TRIM16: variants seen among roughly 807,000 people sequenced by gnomAD.
TRIM16 encodes the protein tripartite motif containing 16.
Under a neutral mutation model 50.4 loss-of-function variants are expected in TRIM16, and 33 were observed. The observed-to-expected ratio is 0.65, with a 90% CI of 0.50 to 0.88. TRIM16 has a LOEUF of 0.88. Ranked by LOEUF, TRIM16 falls within the 40% of genes least tolerant of loss-of-function variation. The pLI is 0.00. For synonymous variants in TRIM16, 229 were observed against 270.7 expected, an observed-to-expected ratio of 0.85 and a Z score of 1.51; for missense variants, 581 against 686.8, an observed-to-expected ratio of 0.85 and a Z score of 1.72.
intron 7 of TRIM16, among the ~76,000 whole-genome samples, chr17:15,647,334 C>G (rs1161698782): frequency 6.6e-6 from 1 of 152,242 alleles, no homozygotes; most frequent in East Asian, 1.9e-4. Flanking sequence ...TGCCAGCAAA[C>G]AGGCTGTGAG....
At chr17:15,655,518 G>C (rs1263318047) in intron 6 of TRIM16, among the ~76,000 whole-genome samples, 1 of 152,104 alleles carries the variant, frequency 6.6e-6, no homozygotes, top group Non-Finnish European at 1.5e-5. Context: ...ACAGTGGTGT[G>C]GAAAACAGGA....
rs926521218 is a variant in TRIM16, at chr17:15,637,035, G to A, written c.616-766C>T. 2.7e-4 allele frequency among the ~76,000 whole-genome samples: 40 copies of A among 148,740 alleles called. 4 individuals are homozygous for A. Among genetic ancestry groups the A allele is most frequent in the Non-Finnish European group, 5.2e-4 (35 of 66,976 alleles). On this transcript the variant is annotated intron_variant, in intron 8 of 11. Coordinates refer to ENST00000649191, the MANE Select transcript of TRIM16 (RefSeq NM_001348119.1). ...CTCTGGTATTCTTAAGAATTGGTAG[G>A]AGCCTCTCCGCCCGGTAGCCACCCC... is the stretch of plus-strand genomic sequence containing the variant.
At chr17:15,660,137 TC>T (rs1364688416) in intron 6 of TRIM16, among the ~76,000 whole-genome samples, 2 of 152,182 alleles carry the variant, frequency 1.3e-5, no homozygotes, top group Non-Finnish European at 2.9e-5. Flanking sequence ...CCCTTCACCT[TC>T]CCAATATTTA....
In TRIM16 at chr17:15,632,619, C is replaced by T; in HGVS notation, c.905G>A (p.Gly302Glu). Residue 302 changes from glycine (G) to glutamate (E), a missense_variant, in exon 10 of 12, where the codon GGG (glycine) becomes GAG (glutamate). By Grantham distance (98) the Gly-to-Glu change is moderately conservative. Around this residue, in one of 3 missense-constraint regions of TRIM16, gnomAD observed 450 missense variants for 544.3 expected, o/e 0.83. Coordinates refer to ENST00000649191, the MANE Select transcript of TRIM16 (RefSeq NM_001348119.1). ...GATGCCCGAGAGTTTATCCTTCAGC[C>T]CTACGTAAACACTAGGGAAGGTGAT... ...EDITFPSVYVGLKDKLSGIRK... is the reference protein window; with the variant it reads ...EDITFPSVYVELKDKLSGIRK... 6.2e-7 allele frequency: 1 copy of T among 1,613,868 alleles called. No individual in the cohort carries two copies. The highest frequency in any genetic ancestry group is 8.5e-7 in the Non-Finnish European group (1 of 1,179,832).
At chr17:15,678,109 T>C (rs1298301880) in intron 4 of TRIM16, among the ~76,000 whole-genome samples, 5 of 151,678 alleles carry the variant, frequency 3.3e-5, no homozygotes, top group South Asian at 2.1e-4. Context: ...GTCCCAGCTA[T>C]TCGGGAGGCT....
chr17:15,651,966 C>T lies in TRIM16; in HGVS notation c.-337-20G>A. ...CCTGCTCTGGAAAGGACAGAAGATT[C>T]CTGAGCTCTGTTATAAGCCTGTGTG... On this transcript the variant is annotated intron_variant, in intron 6 of 11. Transcript: ENST00000649191. 1 of 1,198,080 alleles carries T rather than the reference C, an allele frequency of 8.3e-7. No homozygotes were observed. The allele number at this position is 1,198,080 out of a possible 1,614,324, so 74.2% of individuals were successfully genotyped here. A position where few individuals can be genotyped will look rare whatever the true frequency, so the allele number is the denominator to read the frequency against.
chr17:15,632,530 G>A lies in TRIM16; in HGVS notation c.994C>T (p.Leu332Phe). ...TCACCTTCCTTGGAAAACTCCTGGA[G>A]CTTTTTCTTATAGTTCTCCAGCAAC... ...IQLLENYKKK[L>F]QEFSKEEEYD... The change falls in exon 10 of 12, where the codon CTC becomes TTC. Residue 332 changes from leucine to phenylalanine, a missense_variant. Coordinates refer to ENST00000649191, the MANE Select transcript of TRIM16 (RefSeq NM_001348119.1). The A allele has an allele frequency of 1.2e-6, 2 of 1,612,788 alleles. No homozygotes were observed. The highest frequency in any genetic ancestry group is 4.5e-5 in the East Asian group (2 of 44,882).
Position 15,634,355 on chromosome 17 carries a change from C to T in TRIM16, c.849+1681G>A, listed in dbSNP as rs533038546. Among the ~76,000 whole-genome samples the T allele has an allele frequency of 1.5e-4, 21 of 144,294 alleles. 2 individuals are homozygous for T. In the South Asian group the frequency reaches 3.9e-3, roughly 27 times the overall value. 94.7% of individuals were successfully genotyped at this position (144,294 alleles called of 152,430 possible). A position where few individuals can be genotyped will look rare whatever the true frequency, so the allele number is the denominator to read the frequency against. On this transcript the variant is annotated intron_variant, in intron 9 of 11. Coordinates refer to ENST00000649191, the MANE Select transcript of TRIM16 (RefSeq NM_001348119.1). ...GAAAAAACAAAAAAAATTGGCCGGG[C>T]GCGGTGGCTCACTCCTGTAATCGCA...
rs372484837 is a variant in TRIM16, at chr17:15,679,051, G to A, written c.-589-1330C>T. 7.1e-4 allele frequency among the ~76,000 whole-genome samples: 108 copies of A among 151,834 alleles called. 2 individuals are homozygous for A. The East Asian group carries it at 0.017, about 24-fold the overall frequency. On this transcript the variant is annotated intron_variant, in intron 4 of 11. Transcript: ENST00000649191. Reference sequence around the variant, plus strand: ...CCACCACGCCCAGCTACTTTTTTTTGTATTTTTAGTAGAAACGGGATCTCA... The same window carrying A: ...CCACCACGCCCAGCTACTTTTTTTTATATTTTTAGTAGAAACGGGATCTCA...
At chr17:15,672,175 T>C (rs1005238550) in intron 6 of TRIM16, among the ~76,000 whole-genome samples, 11 of 152,062 alleles carry the variant, frequency 7.2e-5, no homozygotes, top group African/African-American at 2.7e-4. Flanking sequence ...CAGCCAAGCA[T>C]ACAGGCAATT....
In TRIM16 at chr17:15,651,320, A is replaced by G; in HGVS notation, c.290T>C (p.Met97Thr). Residue 97 changes from methionine to threonine, a missense_variant, in exon 7 of 12, where the codon ATG (methionine) becomes ACG (threonine). Physicochemically the swap from Met to Thr is moderately conservative, Grantham distance 81. Coordinates refer to ENST00000649191, the MANE Select transcript of TRIM16 (RefSeq NM_001348119.1). The stretch of plus-strand genomic sequence containing the variant: ...CAAGTGCTCTTCACAGTAATTCACC[A>G]TGCAGGTTAGACAGGACTTCACTGC... ...VKAVKSCLTC[M>T]VNYCEEHLQP... 2 of 1,614,250 alleles carry G rather than the reference A, an allele frequency of 1.2e-6. No homozygotes were observed. The highest frequency in any genetic ancestry group is 1.7e-6 in the Non-Finnish European group (2 of 1,180,050).
intron 3 of TRIM16, 62 bp downstream of exon 3, chr17:15,682,792 T>C (rs1989234948): frequency 3.0e-6 from 4 of 1,355,926 alleles, no homozygotes; most frequent in Non-Finnish European, 3.8e-6. Flanking sequence ...TATCTTCTTT[T>C]TTCAGAGTTT....
rs1483043702 is a variant in TRIM16, at chr17:15,651,678, G to A, written c.-69C>T. The A allele has an allele frequency of 6.4e-7, 1 of 1,565,036 alleles. No individual in the cohort carries two copies. The highest frequency in any genetic ancestry group is 1.4e-5 in the African/African-American group (1 of 73,700). ...CCCAGGATCTGTGCAGCCCAAGTCA[G>A]ACAAGAGAACCACGCCTAGATGATT... On this transcript the variant is annotated 5_prime_UTR_variant, in exon 7 of 12. Transcript: ENST00000649191.
intron 7 of TRIM16, among the ~76,000 whole-genome samples, chr17:15,646,078 C>A (rs148546406): frequency 0.019 from 2,931 of 152,190 alleles, 82 homozygotes; most frequent in African/African-American, 0.067. Flanking sequence ...TTGAAGCAGT[C>A]GGCAGCAGCG....
intron 7 of TRIM16, among the ~76,000 whole-genome samples, chr17:15,647,889 G>T (rs1304742641): frequency 6.6e-6 from 1 of 150,862 alleles, no homozygotes; most frequent in Non-Finnish European, 1.5e-5. Context: ...ATTCAGAGAA[G>T]GTGAGAAGAC....
At chr17:15,664,073 A>G (rs1202431341) in intron 6 of TRIM16, among the ~76,000 whole-genome samples, 1 of 152,230 alleles carries the variant, frequency 6.6e-6, no homozygotes, top group Non-Finnish European at 1.5e-5. Context: ...AGGTTCTAGG[A>G]GCCAGATGTG....
In TRIM16 at chr17:15,640,775, T is replaced by C. The variant is rs989319759; in HGVS notation, c.615+1946A>G. Among the ~76,000 whole-genome samples, 10 of 148,264 alleles carry C rather than the reference T, an allele frequency of 6.7e-5. 1 individual carries two copies. The highest frequency in any genetic ancestry group is 1.3e-4 in the Admixed American group (2 of 14,996). ...CTCTGCATTAGCTAACGTGTCCTAG[T>C]TCCCCGGCTTACTCACCCTTCATGC... On this transcript the variant is annotated intron_variant, in intron 8 of 11. Coordinates refer to ENST00000649191, the MANE Select transcript of TRIM16 (RefSeq NM_001348119.1).
At chr17:15,663,650 G>A (rs143054133) in intron 6 of TRIM16, among the ~76,000 whole-genome samples, 4 of 152,238 alleles carry the variant, frequency 2.6e-5, no homozygotes, top group Non-Finnish European at 4.4e-5. Context: ...TGCTGCAGCC[G>A]GAAGCATCCT....
intron 6 of TRIM16, among the ~76,000 whole-genome samples, chr17:15,671,881 G>T (rs147527932): frequency 2.2e-3 from 336 of 152,204 alleles, no homozygotes; most frequent in Non-Finnish European, 4.3e-3. Context: ...GAGGGTGGAG[G>T]TAATACCTTA....
Sources: gnomAD v4.1 joint callset for allele counts (sites outside exome capture counted in the v4.1 genomes callset) on GRCh38, gnomAD v4.1.1 for gene constraint, gnomAD v4.1.1 regional missense constraint, MANE v1.5 for transcripts, NCBI Gene and HGNC (gene_info 2026-07-23, HGNC 2026-07-21) for gene names.